The following MYO16 variants were observed in gnomAD, a reference collection of about 807,000 sequenced individuals.
The protein encoded by MYO16 is myosin XVI.
MYO16 carries 94 observed loss-of-function variants against 205.3 expected under a neutral mutation model. That is an observed-to-expected ratio of 0.46 (90% CI 0.39 to 0.54). The LOEUF (loss-of-function observed/expected upper bound fraction) is 0.54. MYO16 is among the 20% of genes least tolerant of loss of function. The pLI is 0.00. For missense variants in MYO16, 2,315 were observed against 2,387.5 expected (o/e 0.97, Z 0.63); for synonymous variants, 988 against 954.0 (o/e 1.04, Z -0.66).
chr13:108,977,997 A>AT (rs1217450977), intron 20 of MYO16, among the ~76,000 whole-genome samples: 2 of 152,016 alleles, frequency 1.3e-5, no homozygotes, highest in African/African-American at 4.8e-5. Flanking sequence ...TATTCCTTAA[A>AT]TAATATTTGA....
At chr13:108,861,339 G>C (rs1315195393) in intron 11 of MYO16, among the ~76,000 whole-genome samples, 1 of 152,044 alleles carries the variant, frequency 6.6e-6, no homozygotes, top group Non-Finnish European at 1.5e-5. Flanking sequence ...CAGCTATACT[G>C]TTGCTTGTAA....
intron 16 of MYO16, among the ~76,000 whole-genome samples, chr13:108,910,891 C>G (rs984196452): frequency 6.6e-6 from 1 of 152,048 alleles, no homozygotes; most frequent in African/African-American, 2.4e-5. Context: ...GAACTAGACT[C>G]TGAGGACATG....
chr13:108,516,573 G>T, the MYO16 span, among the ~76,000 whole-genome samples: 1 of 152,180 alleles, frequency 6.6e-6, no homozygotes. Flanking sequence ...GAAAAATGCA[G>T]GTGATATACA....
chr13:108,793,502 CT>C lies in MYO16; in HGVS notation c.617-11del. The stretch of plus-strand genomic sequence containing the variant: ...ATCTCTCCATTCTGGTTGAAAGGCT[CT>C]TTCTCCCCACAGGAGTGGATTTGAC... On this transcript the variant is annotated splice_polypyrimidine_tract_variant and intron_variant, in intron 5 of 34. Transcript: ENST00000457511. 1.9e-5 allele frequency: 31 copies of C among 1,612,506 alleles called. No individual in the cohort carries two copies. Among genetic ancestry groups the C allele is most frequent in the Non-Finnish European group, 2.6e-5 (31 of 1,179,040 alleles).
intron 20 of MYO16, among the ~76,000 whole-genome samples, chr13:108,971,434 T>A (rs1415403301): frequency 6.6e-6 from 1 of 150,522 alleles, no homozygotes; most frequent in Non-Finnish European, 1.5e-5. Context: ...TATCTATCAG[T>A]CATCTCTCTA....
chr13:108,792,982 T>A (rs1461840306), intron 5 of MYO16, among the ~76,000 whole-genome samples: 2 of 152,164 alleles, frequency 1.3e-5, no homozygotes, highest in Non-Finnish European at 2.9e-5. Flanking sequence ...AGATATTAAT[T>A]GAAAACCTGC....
In MYO16 at chr13:109,178,856, G is replaced by A. The variant is rs147522775; in HGVS notation, c.5324-686G>A. On this transcript the variant is annotated intron_variant, in intron 33 of 34. Transcript: ENST00000457511. ...CAAAATTCCAATAGTGCAGAGGCTGGGAAACTGCTTTGATCATAAAGGATA... is the reference window on the plus strand; with the variant it reads ...CAAAATTCCAATAGTGCAGAGGCTGAGAAACTGCTTTGATCATAAAGGATA... Among the ~76,000 whole-genome samples the A allele has an allele frequency of 3.6e-3, 546 of 152,274 alleles. 4 individuals carry two copies. Among genetic ancestry groups the A allele is most frequent in the African/African-American group, 0.012 (504 of 41,554 alleles).
intron 4 of MYO16, among the ~76,000 whole-genome samples, chr13:108,760,721 T>C (rs930759937): frequency 6.6e-6 from 1 of 152,182 alleles, no homozygotes; most frequent in African/African-American, 2.4e-5. Context: ...GACAGTAGAT[T>C]GGTGGTTCAC....
intron 1 of MYO16, among the ~76,000 whole-genome samples, chr13:108,617,776 G>C (rs1879400827): frequency 6.6e-6 from 1 of 152,158 alleles, no homozygotes; most frequent in Non-Finnish European, 1.5e-5. Context: ...TTTACAGGGA[G>C]CCAAGGACAA....
intron 2 of MYO16, among the ~76,000 whole-genome samples, chr13:108,682,481 C>A (rs1882502786): frequency 6.6e-6 from 1 of 152,018 alleles, no homozygotes; most frequent in South Asian, 2.1e-4. Flanking sequence ...CGCGGGCACA[C>A]AGGCTCAAGC....
chr13:108,737,402 G>T (rs947090575), intron 4 of MYO16, among the ~76,000 whole-genome samples: 1 of 152,104 alleles, frequency 6.6e-6, no homozygotes, highest in Admixed American at 6.5e-5. Flanking sequence ...TAATCATGTG[G>T]TTTTTGTCTT....
intron 4 of MYO16, among the ~76,000 whole-genome samples, chr13:108,775,163 G>A (rs542870790): frequency 6.6e-6 from 1 of 152,250 alleles, no homozygotes; most frequent in Non-Finnish European, 1.5e-5. Flanking sequence ...AATGTTTAGT[G>A]TGGCTCTTCA....
At chr13:108,833,555 C>T (rs1330386072) in intron 9 of MYO16, among the ~76,000 whole-genome samples, 1 of 152,016 alleles carries the variant, frequency 6.6e-6, no homozygotes. Context: ...TGTTGTTGTC[C>T]TCATGTATCT....
At chr13:109,067,583 C>T (rs144787876) in intron 27 of MYO16, among the ~76,000 whole-genome samples, 1 of 152,308 alleles carries the variant, frequency 6.6e-6, no homozygotes, top group African/African-American at 2.4e-5. Flanking sequence ...CATCCACCCT[C>T]AATTGCACAG....
intron 10 of MYO16, among the ~76,000 whole-genome samples, chr13:108,852,229 G>T (rs1245816384): frequency 6.6e-6 from 1 of 152,092 alleles, no homozygotes; most frequent in Non-Finnish European, 1.5e-5. Flanking sequence ...TCTCCCCCCA[G>T]CCCCCCAGTA....
chr13:108,887,388 A>T (rs1039306099), intron 13 of MYO16, among the ~76,000 whole-genome samples: 1 of 152,200 alleles, frequency 6.6e-6, no homozygotes, highest in Non-Finnish European at 1.5e-5. Context: ...AAGCTCTCCT[A>T]AAAGGGCTTT....
chr13:108,551,740 T>C, the MYO16 span, among the ~76,000 whole-genome samples: 1 of 152,172 alleles, frequency 6.6e-6, no homozygotes, highest in Non-Finnish European at 1.5e-5. Context: ...TAGCTATTTC[T>C]CTCAACTTGT....
upstream of MYO16, among the ~76,000 whole-genome samples, chr13:108,593,641 G>A (rs1470239989): frequency 6.6e-6 from 1 of 152,170 alleles, no homozygotes; most frequent in Non-Finnish European, 1.5e-5. Flanking sequence ...ACATGAACAG[G>A]TGTGACTAGC....
rs141023264 is a variant in MYO16 at position 108,750,737 on chromosome 13, G to A, written c.507+23154G>A. On this transcript the variant is annotated intron_variant, in intron 4 of 34. Coordinates refer to ENST00000457511, the MANE Select transcript of MYO16 (RefSeq NM_001198950.3). Reference sequence around the variant, plus strand: ...CGGGGGAATCGTTTGAACCTAGGAAGCAGAGGTTGCAGTGAGCTGAGATCA... The same window carrying A: ...CGGGGGAATCGTTTGAACCTAGGAAACAGAGGTTGCAGTGAGCTGAGATCA... 6.0e-3 allele frequency among the ~76,000 whole-genome samples: 919 copies of A among 152,184 alleles called. 5 individuals are homozygous for A. The highest frequency in any genetic ancestry group is 9.5e-3 in the Non-Finnish European group (644 of 67,996).
Sources: allele counts gnomAD v4.1 joint callset (sites outside exome capture counted in the v4.1 genomes callset), GRCh38; gene constraint gnomAD v4.1.1; transcripts MANE v1.5; gene names NCBI Gene and HGNC (gene_info 2026-07-23, HGNC 2026-07-21).